Variants in VWA8 observed in about 807,000 individuals in gnomAD.
VWA8 encodes von Willebrand factor A domain containing 8.
A neutral mutation model predicts 241.5 loss-of-function variants in VWA8; 221 were observed. The observed-to-expected ratio is 0.91, with a 90% confidence interval of 0.82 to 1.02. The LOEUF (loss-of-function observed/expected upper bound fraction) is 1.02, where lower values mean the gene tolerates loss of function less well. Ranked by LOEUF, VWA8 falls within the 50% of genes least tolerant of loss-of-function variation. VWA8 has a pLI of 0.00. For synonymous variants in VWA8, 852 were observed against 827.1 expected, an observed-to-expected ratio of 1.03 and a Z score of -0.52; for missense variants, 2,322 against 2,328.7, an observed-to-expected ratio of 1.00 and a Z score of 0.06.
chr13:41,748,490 T>C (rs1593741916), intron 21 of VWA8, among the ~76,000 whole-genome samples: 1 of 152,194 alleles, frequency 6.6e-6, no homozygotes, highest in African/African-American at 2.4e-5. Flanking sequence ...CTTCTCTCTT[T>C]TCTTCTTTAT....
intron 44 of VWA8, 40 bp from the exon 45 acceptor site, chr13:41,568,345 T>C (rs757035346): frequency 2.6e-6 from 4 of 1,561,066 alleles, no homozygotes; most frequent in South Asian, 2.2e-5. Context: ...CCACTGTAAA[T>C]GGGGCTCCCT....
chr13:41,570,031 GTA>G (rs1396409425), intron 44 of VWA8, among the ~76,000 whole-genome samples: 4 of 152,002 alleles, frequency 2.6e-5, no homozygotes, highest in East Asian at 1.9e-4. Context: ...ACATATGTGT[GTA>G]TATATATGTC....
chr13:41,744,026 C>T (rs1229700601), intron 21 of VWA8, among the ~76,000 whole-genome samples: 1 of 152,214 alleles, frequency 6.6e-6, no homozygotes, highest in African/African-American at 2.4e-5. Flanking sequence ...GTCACAGGTG[C>T]CTGCTTCCCT....
At chr13:41,775,574 T>G (rs1395463826) in intron 20 of VWA8, among the ~76,000 whole-genome samples, 2 of 152,138 alleles carry the variant, frequency 1.3e-5, no homozygotes, top group Non-Finnish European at 2.9e-5. Context: ...TAGACAGGCT[T>G]GAAAATCAGT....
Position 41,721,409 on chromosome 13 carries a change from A to C in VWA8, c.2925T>G (p.Tyr975Ter). 6.2e-7 allele frequency: 1 copy of C among 1,613,844 alleles called. No individual in the cohort carries two copies. The highest frequency in any genetic ancestry group is 8.5e-7 in the Non-Finnish European group (1 of 1,179,806). Reference sequence around the variant, plus strand: ...CTATGTTGACAACTTCTCTGGTAGAATAAGGATAGTTAATAATCCCTTGGT... The same window carrying C: ...CTATGTTGACAACTTCTCTGGTAGACTAAGGATAGTTAATAATCCCTTGGT... The part of the protein sequence containing the change: ...LADQGIINYP[Y>*]STREVVNIVK... The change falls in exon 25 of 45, where the codon TAT becomes TAG. Residue 975 changes from tyrosine (Y) to a stop codon, truncating the protein, a stop_gained. Coordinates refer to ENST00000379310, the MANE Select transcript of VWA8 (RefSeq NM_015058.2). LOFTEE classifies it high-confidence loss of function.
intron 12 of VWA8, among the ~76,000 whole-genome samples, chr13:41,837,816 T>A (rs1871810384): frequency 6.6e-6 from 1 of 152,196 alleles, no homozygotes; most frequent in Non-Finnish European, 1.5e-5. Flanking sequence ...TTTGCATATA[T>A]TTTTCTTATC....
rs181408806 is a variant in VWA8 at position 41,581,306 on chromosome 13, G to A, written c.5272-5468C>T. On this transcript the variant is annotated intron_variant, in intron 42 of 44. Transcript: ENST00000379310. The stretch of plus-strand genomic sequence containing the variant: ...CGTGAGCCACCGCGCCCGGCCGAGA[G>A]TGAGTCATCTAAATCAGAGGGTCAA... Among the ~76,000 whole-genome samples, 47 of 152,192 alleles carry A rather than the reference G, an allele frequency of 3.1e-4. 8 individuals carry two copies. The East Asian group carries it at 8.3e-3, about 27-fold the overall frequency.
In VWA8 at chr13:41,575,886, A is replaced by G. The variant is rs2139635969; in HGVS notation, c.5272-48T>C. ...GTTATAAACTTTTCTCCACAAAAGA[A>G]CAGTCATTAGATCTTTAATGTTCAA... On this transcript the variant is annotated intron_variant, in intron 42 of 44. Transcript: ENST00000379310. The G allele has an allele frequency of 3.6e-6, 5 of 1,379,438 alleles. No homozygotes were observed. In the East Asian group the frequency reaches 9.1e-5, roughly 25 times the overall value. The allele number at this position is 1,379,438 out of a possible 1,614,324, so 85.4% of individuals were successfully genotyped here. A position where few individuals can be genotyped will look rare whatever the true frequency, so the allele number is the denominator to read the frequency against.
intron 20 of VWA8, among the ~76,000 whole-genome samples, chr13:41,764,203 C>T (rs1477901482): frequency 6.6e-6 from 1 of 152,172 alleles, no homozygotes; most frequent in Non-Finnish European, 1.5e-5. Flanking sequence ...TTGATGGCTT[C>T]ATTTTTTCCC....
intron 37 of VWA8, among the ~76,000 whole-genome samples, chr13:41,633,092 T>C (rs188788978): frequency 7.9e-5 from 12 of 152,332 alleles, no homozygotes; most frequent in African/African-American, 2.6e-4. Flanking sequence ...TGGGAAAACT[T>C]GACACATGAA....
intron 35 of VWA8, among the ~76,000 whole-genome samples, chr13:41,677,876 T>C (rs1044704957): frequency 1.3e-5 from 2 of 152,220 alleles, no homozygotes; most frequent in African/African-American, 4.8e-5. Context: ...AATTTGAATT[T>C]ATCAAATGTA....
At chr13:41,709,224 G>T (rs142989056) in intron 26 of VWA8, among the ~76,000 whole-genome samples, 1 of 152,200 alleles carries the variant, frequency 6.6e-6, no homozygotes, top group Non-Finnish European at 1.5e-5. Flanking sequence ...GAGTGTTAAT[G>T]CATCGAGAGT....
intron 22 of VWA8, among the ~76,000 whole-genome samples, chr13:41,731,387 A>C (rs1034007367): frequency 1.3e-5 from 2 of 152,226 alleles, no homozygotes; most frequent in African/African-American, 4.8e-5. Context: ...CATTTAAAAA[A>C]ACTTTTCTAG....
At chr13:41,892,231 C>T (rs1044686560) in intron 4 of VWA8, among the ~76,000 whole-genome samples, 5 of 151,990 alleles carry the variant, frequency 3.3e-5, no homozygotes, top group Non-Finnish European at 5.9e-5. Flanking sequence ...AACTGTAATA[C>T]AAAAAAATTA....
intron 23 of VWA8, among the ~76,000 whole-genome samples, chr13:41,729,116 G>A (rs1200828110): frequency 6.6e-6 from 1 of 151,894 alleles, no homozygotes; most frequent in Non-Finnish European, 1.5e-5. Context: ...TCCTAAGGTA[G>A]GAGTGTGTGT....
At chr13:41,913,781 G>C (rs1309628118) in intron 2 of VWA8, among the ~76,000 whole-genome samples, 1 of 152,190 alleles carries the variant, frequency 6.6e-6, no homozygotes, top group Non-Finnish European at 1.5e-5. Flanking sequence ...CCATATGTCT[G>C]AGACTCATTA....
At chr13:41,812,585 C>T (rs1476023085) in intron 16 of VWA8, among the ~76,000 whole-genome samples, 1 of 152,064 alleles carries the variant, frequency 6.6e-6, no homozygotes, top group Non-Finnish European at 1.5e-5. Flanking sequence ...TAATGTTCCA[C>T]CTAAGGTCAT....
intron 20 of VWA8, among the ~76,000 whole-genome samples, chr13:41,776,890 C>G (rs1868619181): frequency 6.6e-6 from 1 of 152,006 alleles, no homozygotes; most frequent in African/African-American, 2.4e-5. Context: ...TAAATCAGTA[C>G]TTCAAAATGA....
chr13:41,749,654 A>G (rs1593743013), intron 21 of VWA8, among the ~76,000 whole-genome samples: 1 of 152,288 alleles, frequency 6.6e-6, no homozygotes, highest in South Asian at 2.1e-4. Context: ...GCACATATAC[A>G]CCATGGAATA....
Sources: allele counts gnomAD v4.1 joint callset (sites outside exome capture counted in the v4.1 genomes callset), GRCh38; gene constraint gnomAD v4.1.1; transcripts MANE v1.5; gene names NCBI Gene and HGNC (gene_info 2026-07-23, HGNC 2026-07-21).